Variants in FBXL17 observed in about 807,000 individuals in gnomAD.
FBXL17 encodes the protein F-box and leucine rich repeat protein 17, also known as F-box/LRR-repeat protein 17.
In FBXL17, 22 loss-of-function variants were observed where a neutral mutation model predicts 66.2. The observed-to-expected ratio is 0.33, with a 90% CI of 0.24 to 0.47. The LOEUF (loss-of-function observed/expected upper bound fraction) is 0.47, where lower values mean the gene tolerates loss of function less well. FBXL17 is among the 20% of genes least tolerant of loss of function. The probability of loss-of-function intolerance (pLI) is 1.00; values close to 1 mark genes in which losing one functional copy is unlikely to be tolerated. For missense variants in FBXL17, 878 were observed against 948.2 expected, an observed-to-expected ratio of 0.93 and a Z score of 0.97; for synonymous variants, 474 against 400.5, an observed-to-expected ratio of 1.18 and a Z score of -2.19.
chr5:107,886,126 T>G (rs565298292), intron 7 of FBXL17, among the ~76,000 whole-genome samples: 2 of 152,302 alleles, frequency 1.3e-5, no homozygotes, highest in East Asian at 3.9e-4. Context: ...CAAAAAGAAC[T>G]GTAAGCAAAC....
At chr5:107,956,910 C>T (rs1751684775) in intron 7 of FBXL17, among the ~76,000 whole-genome samples, 1 of 152,106 alleles carries the variant, frequency 6.6e-6, no homozygotes, top group Non-Finnish European at 1.5e-5. Flanking sequence ...GAACTTGCTT[C>T]AAAATAAAGA....
chr5:108,233,010 A>T (rs1241034457), intron 4 of FBXL17, among the ~76,000 whole-genome samples: 1 of 151,668 alleles, frequency 6.6e-6, no homozygotes, highest in Non-Finnish European at 1.5e-5. Context: ...TTGTATGGAC[A>T]TATATTTTCA....
At chr5:108,022,295 T>C (rs1031107812) in intron 6 of FBXL17, among the ~76,000 whole-genome samples, 4 of 151,904 alleles carry the variant, frequency 2.6e-5, no homozygotes, top group South Asian at 4.2e-4. Context: ...TTGATACAGG[T>C]TGTGAGGGAA....
chr5:108,131,415 T>C lies in FBXL17; in HGVS notation c.1745+54702A>G, dbSNP rs192755380. On this transcript the variant is annotated intron_variant, in intron 6 of 8. Coordinates refer to ENST00000542267, the MANE Select transcript of FBXL17 (RefSeq NM_001163315.3). Reference sequence around the variant, plus strand: ...AGAGTCCTCATTAATAGGATGACTATAAACGATTTAAAATTGCAGTGAGGT... The same window carrying C: ...AGAGTCCTCATTAATAGGATGACTACAAACGATTTAAAATTGCAGTGAGGT... 1.3e-3 allele frequency among the ~76,000 whole-genome samples: 200 copies of C among 152,284 alleles called. 1 individual carries two copies. The Middle Eastern group carries it at 0.014, about 10-fold the overall frequency.
At position 108,010,616 on chromosome 5, in the gene FBXL17, G is replaced by A. The variant is rs542891514; in HGVS notation, c.1822+10309C>T. On this transcript the variant is annotated intron_variant, in intron 7 of 8. Transcript: ENST00000542267. ...AGAAAAATTCAATCAAAGGAAGCAC[G>A]GTTCTTTAGAAAAATGGATTATCCC... 3.9e-5 allele frequency among the ~76,000 whole-genome samples: 6 copies of A among 152,236 alleles called. 1 individual carries two copies. The highest frequency in any genetic ancestry group is 2.1e-4 in the South Asian group (1 of 4,820).
At chr5:108,035,737 A>G (rs2112793316) in intron 6 of FBXL17, among the ~76,000 whole-genome samples, 1 of 152,244 alleles carries the variant, frequency 6.6e-6, no homozygotes, top group South Asian at 2.1e-4. Flanking sequence ...CATATTTATT[A>G]TTGAGCCTTG....
At chr5:107,873,605 C>T (rs1488383923) in intron 8 of FBXL17, among the ~76,000 whole-genome samples, 1 of 152,184 alleles carries the variant, frequency 6.6e-6, no homozygotes, top group Non-Finnish European at 1.5e-5. Flanking sequence ...AGTAGTCCCT[C>T]AGTCACCTGG....
At chr5:108,089,481 C>A (rs969190185) in intron 6 of FBXL17, among the ~76,000 whole-genome samples, 1 of 152,176 alleles carries the variant, frequency 6.6e-6, no homozygotes, top group South Asian at 2.1e-4. Context: ...CCCAGAATAA[C>A]CCCTGCTTCT....
intron 7 of FBXL17, among the ~76,000 whole-genome samples, chr5:107,929,570 T>C (rs191649724): frequency 1.3e-4 from 20 of 152,338 alleles, no homozygotes; most frequent in African/African-American, 4.6e-4. Flanking sequence ...AGGTTTACTC[T>C]AAATCTAAAA....
intron 6 of FBXL17, among the ~76,000 whole-genome samples, chr5:108,053,989 C>T (rs559585111): frequency 6.6e-6 from 1 of 152,210 alleles, no homozygotes; most frequent in Non-Finnish European, 1.5e-5. Flanking sequence ...GAAGCCATCA[C>T]CCTCAGCAAA....
chr5:107,871,069 A>ACAAAAAAAAAAAC (rs1554080841), intron 8 of FBXL17, among the ~76,000 whole-genome samples: 1 of 130,174 alleles, frequency 7.7e-6, no homozygotes, highest in African/African-American at 3.2e-5. Flanking sequence ...AAAAAAAAAA[A>ACAAAAAAAAAAAC]AAAAAAAAAA....
At chr5:108,075,353 ACT>A (rs1748502062) in intron 6 of FBXL17, among the ~76,000 whole-genome samples, 1 of 151,962 alleles carries the variant, frequency 6.6e-6, no homozygotes, top group African/African-American at 2.4e-5. Context: ...ACTTTCCATC[ACT>A]CTCTGTGCTT....
intron 7 of FBXL17, among the ~76,000 whole-genome samples, chr5:107,984,637 CAA>C (rs1364338955): frequency 6.6e-6 from 1 of 152,130 alleles, no homozygotes; most frequent in African/African-American, 2.4e-5. Context: ...ACCATTGAAG[CAA>C]AGTCAAATAA....
chr5:108,012,281 A>T (rs1396077542), intron 7 of FBXL17, among the ~76,000 whole-genome samples: 1 of 152,202 alleles, frequency 6.6e-6, no homozygotes, highest in Non-Finnish European at 1.5e-5. Flanking sequence ...ATTTTAAGAA[A>T]ATATTTGTTG....
At chr5:108,281,939 A>G (rs1757718015) in intron 4 of FBXL17, among the ~76,000 whole-genome samples, 1 of 151,856 alleles carries the variant, frequency 6.6e-6, no homozygotes, top group Non-Finnish European at 1.5e-5. Context: ...GGAAACATAT[A>G]GCCTCCCAAG....
chr5:108,013,575 T>G (rs1436980432), intron 7 of FBXL17, among the ~76,000 whole-genome samples: 1 of 152,166 alleles, frequency 6.6e-6, no homozygotes, highest in Non-Finnish European at 1.5e-5. Flanking sequence ...AGCCCCAACA[T>G]GTCATAGGCA....
In FBXL17 at chr5:108,234,050, C is replaced by T. The variant is rs376361867; in HGVS notation, c.1507-9822G>A. On this transcript the variant is annotated intron_variant, in intron 4 of 8. Transcript: ENST00000542267. ...CAGAGTTGGGGGACAACAGTAATAG[C>T]GACTGTGGCAGAAATGGCCATATAT... is the stretch of plus-strand genomic sequence containing the variant. Among the ~76,000 whole-genome samples the T allele has an allele frequency of 5.3e-5, 8 of 152,088 alleles. No individual in the cohort carries two copies. In the East Asian group the frequency reaches 7.7e-4, roughly 15 times the overall value.
At chr5:108,064,491 G>A (rs527439206) in intron 6 of FBXL17, among the ~76,000 whole-genome samples, 21 of 152,226 alleles carry the variant, frequency 1.4e-4, no homozygotes, top group African/African-American at 4.6e-4. Flanking sequence ...CTGGCCAGCA[G>A]CTTTGCAGAG....
intron 6 of FBXL17, among the ~76,000 whole-genome samples, chr5:108,109,243 CAGA>C (rs1749937464): frequency 6.6e-6 from 1 of 152,088 alleles, no homozygotes; most frequent in South Asian, 2.1e-4. Flanking sequence ...GAGAAAATAG[CAGA>C]AGGAGGAAGG....
Sources: allele counts gnomAD v4.1 joint callset (sites outside exome capture counted in the v4.1 genomes callset), GRCh38; gene constraint gnomAD v4.1.1; transcripts MANE v1.5; gene names NCBI Gene and HGNC (gene_info 2026-07-23, HGNC 2026-07-21).